Variants in OSTN observed in about 807,000 individuals in gnomAD.
OSTN encodes osteocrin.
A neutral mutation model predicts 12.0 loss-of-function variants in OSTN; 9 were observed. That is an observed-to-expected ratio of 0.75 (90% confidence interval 0.45 to 1.30). The LOEUF (loss-of-function observed/expected upper bound fraction) is 1.30. Among genes scored for constraint, OSTN ranks in the 50% most tolerant of loss-of-function variants. The probability of loss-of-function intolerance (pLI) is 0.00; values close to 1 mark genes in which losing one functional copy is unlikely to be tolerated. For synonymous variants in OSTN, 59 were observed against 56.9 expected, an observed-to-expected ratio of 1.04 and a Z score of -0.16; for missense variants, 148 against 152.3, an observed-to-expected ratio of 0.97 and a Z score of 0.15.
intron 4 of OSTN, among the ~76,000 whole-genome samples, chr3:191,258,565 G>A (rs1390784908): frequency 6.6e-6 from 1 of 151,732 alleles, no homozygotes; most frequent in Non-Finnish European, 1.5e-5. Flanking sequence ...CCTAGATGAC[G>A]GGTTGATGGG....
intron 3 of OSTN, among the ~76,000 whole-genome samples, chr3:191,231,057 C>T (rs1455621150): frequency 2.0e-5 from 3 of 152,086 alleles, no homozygotes; most frequent in African/African-American, 7.2e-5. Flanking sequence ...TTTATGCATT[C>T]AAGTTAAATT....
intron 3 of OSTN, 90 bp downstream of exon 3, chr3:191,219,051 T>A: frequency 8.7e-7 from 1 of 1,147,576 alleles, no homozygotes; most frequent in Non-Finnish European, 1.2e-6. Flanking sequence ...AAAAATACAG[T>A]GAAAACCTTG....
chr3:191,199,920 A>G (rs1485669635), intron 1 of OSTN, among the ~76,000 whole-genome samples: 1 of 152,152 alleles, frequency 6.6e-6, no homozygotes, highest in African/African-American at 2.4e-5. Context: ...TTAATCTGAA[A>G]CATACATTTG....
chr3:191,247,083 C>G (rs959910871), intron 3 of OSTN, among the ~76,000 whole-genome samples: 2 of 152,134 alleles, frequency 1.3e-5, no homozygotes, highest in African/African-American at 2.4e-5. Flanking sequence ...CTGACTACCA[C>G]GAGGAAAATA....
intron 4 of OSTN, among the ~76,000 whole-genome samples, chr3:191,260,023 T>G (rs1293110912): frequency 6.6e-6 from 1 of 151,740 alleles, no homozygotes; most frequent in African/African-American, 2.4e-5. Context: ...GGCTAACTTT[T>G]GTATTTTTAG....
At chr3:191,202,195 T>C (rs1436695070) in intron 1 of OSTN, among the ~76,000 whole-genome samples, 1 of 152,236 alleles carries the variant, frequency 6.6e-6, no homozygotes, top group Non-Finnish European at 1.5e-5. Context: ...GTTTTCTGTA[T>C]AGGTCTAACA....
intron 3 of OSTN, among the ~76,000 whole-genome samples, chr3:191,246,067 CAAAAAAAAAAAA>C (rs149962240): frequency 1.7e-5 from 1 of 60,322 alleles, no homozygotes; most frequent in Non-Finnish European, 3.0e-5. Context: ...AACTCTGTCT[CAAAAAAAAAAAA>C]AAAAAAAAAA....
chr3:191,248,857 G>T (rs2108551398), intron 3 of OSTN, among the ~76,000 whole-genome samples: 1 of 152,296 alleles, frequency 6.6e-6, no homozygotes, highest in Admixed American at 6.5e-5. Flanking sequence ...GCTGAAGTGG[G>T]AAGATCACTT....
At chr3:191,231,066 T>G (rs1715043092) in intron 3 of OSTN, among the ~76,000 whole-genome samples, 1 of 152,196 alleles carries the variant, frequency 6.6e-6, no homozygotes, top group African/African-American at 2.4e-5. Context: ...TCAAGTTAAA[T>G]TCCAAGGACA....
At chr3:191,200,431 C>T (rs1458760288) in intron 1 of OSTN, among the ~76,000 whole-genome samples, 3 of 152,056 alleles carry the variant, frequency 2.0e-5, no homozygotes, top group Non-Finnish European at 4.4e-5. Flanking sequence ...GGCACGGGAA[C>T]CTCAGGGCTA....
chr3:191,264,026 C>G lies in OSTN; in HGVS notation c.*1173C>G, dbSNP rs892407717. The G allele has an allele frequency of 6.6e-6, 1 of 152,060 alleles. No homozygotes were observed. Among genetic ancestry groups the G allele is most frequent in the Non-Finnish European group, 1.5e-5 (1 of 67,970 alleles). The allele number at this position is 152,060 out of a possible 1,614,324, so 9.4% of individuals were successfully genotyped here. ...GTTTATAAAGCATCGAAAAACACTT[C>G]CTCTGTAAACCCTAAAAATCACTGT... is the stretch of plus-strand genomic sequence containing the variant. On this transcript the variant is annotated 3_prime_UTR_variant, in exon 5 of 5. Coordinates refer to ENST00000682035, the MANE Select transcript of OSTN (RefSeq NM_198184.2).
chr3:191,218,020 G>T (rs117585979), intron 2 of OSTN, among the ~76,000 whole-genome samples: 1 of 151,938 alleles, frequency 6.6e-6, no homozygotes, highest in Non-Finnish European at 1.5e-5. Flanking sequence ...GTAAATGAAA[G>T]ACTAATTAGA....
At chr3:191,242,565 GTTTA>G (rs145260256) in intron 3 of OSTN, among the ~76,000 whole-genome samples, 5,045 of 152,052 alleles carry the variant, frequency 0.033, 272 homozygotes, top group African/African-American at 0.11. Flanking sequence ...ATTTTTTCTT[GTTTA>G]TTTTGTTTTG....
At chr3:191,260,657 G>C (rs1178735024) in intron 4 of OSTN, among the ~76,000 whole-genome samples, 2 of 152,084 alleles carry the variant, frequency 1.3e-5, no homozygotes, top group African/African-American at 2.4e-5. Flanking sequence ...AAAAAGTCTT[G>C]GGTTCCCAGG....
chr3:191,255,740 A>C (rs753336183), intron 4 of OSTN, among the ~76,000 whole-genome samples: 10 of 152,242 alleles, frequency 6.6e-5, no homozygotes, highest in African/African-American at 1.4e-4. Flanking sequence ...GAAAAAAAAA[A>C]CAAAAATAAT....
chr3:191,257,865 T>C (rs1224582478), intron 4 of OSTN, among the ~76,000 whole-genome samples: 2 of 152,228 alleles, frequency 1.3e-5, no homozygotes, highest in East Asian at 1.9e-4. Context: ...TGTGGTACCA[T>C]GTGTAGACAA....
In OSTN at chr3:191,207,015, G is replaced by A. The variant is rs182280504; in HGVS notation, c.1-5518G>A. Among the ~76,000 whole-genome samples the A allele has an allele frequency of 2.2e-3, 338 of 152,192 alleles. 4 individuals carry two copies. Among genetic ancestry groups the A allele is most frequent in the East Asian group, 2.5e-3 (13 of 5,184 alleles). Reference sequence around the variant, plus strand: ...GGAGAAGATTTTAGGCGGTGTTGTCGGCAGGCACGCATGGTCATTTCATGG... The same window carrying A: ...GGAGAAGATTTTAGGCGGTGTTGTCAGCAGGCACGCATGGTCATTTCATGG... On this transcript the variant is annotated intron_variant, in intron 1 of 4. Coordinates refer to ENST00000682035, the MANE Select transcript of OSTN (RefSeq NM_198184.2).
At chr3:191,251,408 T>G (rs756197913) in intron 4 of OSTN, among the ~76,000 whole-genome samples, 1 of 152,210 alleles carries the variant, frequency 6.6e-6, no homozygotes, top group African/African-American at 2.4e-5. Flanking sequence ...AAACTGGAAC[T>G]GCTTTAACAA....
intron 4 of OSTN, among the ~76,000 whole-genome samples, chr3:191,261,764 T>C (rs1024446349): frequency 1.1e-4 from 16 of 152,260 alleles, no homozygotes; most frequent in Non-Finnish European, 2.4e-4. Context: ...AAATCATTAA[T>C]ATATTGTACC....
Sources: gnomAD v4.1 joint callset for allele counts (sites outside exome capture counted in the v4.1 genomes callset) on GRCh38, gnomAD v4.1.1 for gene constraint, MANE v1.5 for transcripts, NCBI Gene and HGNC (gene_info 2026-07-23, HGNC 2026-07-21) for gene names.